The following NEB variants were observed in gnomAD, a reference collection of about 807,000 sequenced individuals.
The protein encoded by NEB is nemaline myopathy type 2.
Under a neutral mutation model 952.2 loss-of-function variants are expected in NEB, and 512 were observed. That is an observed-to-expected ratio of 0.54 (90% CI 0.50 to 0.58). NEB has a LOEUF of 0.58. Ranked by LOEUF, NEB falls within the 20% of genes least tolerant of loss-of-function variation. The pLI, the probability that NEB is intolerant of heterozygous loss-of-function variation, is 0.00. For missense variants in NEB, 8,428 were observed against 9,231.1 expected (o/e 0.91, Z 3.56); for synonymous variants, 2,900 against 3,149.8 (o/e 0.92, Z 2.66).
At position 151,630,423 on chromosome 2, in the gene NEB, T is replaced by C. The variant is rs148612471; in HGVS notation, c.9723+292A>G. Among the ~76,000 whole-genome samples, 223 of 152,316 alleles carry C rather than the reference T, an allele frequency of 1.5e-3. 1 individual carries two copies. Among genetic ancestry groups the C allele is most frequent in the African/African-American group, 5.1e-3 (212 of 41,566 alleles). Reference sequence around the variant, plus strand: ...GATGGAATTAGTGGGCATGAATATTTTGGCAGAAATAATGGGCCAGTATTT... The same window carrying C: ...GATGGAATTAGTGGGCATGAATATTCTGGCAGAAATAATGGGCCAGTATTT... On this transcript the variant is annotated intron_variant, in intron 67 of 181. Transcript: ENST00000397345.
rs746083931 is a variant in NEB at position 151,560,631 on chromosome 2, G to A, written c.19275C>T (p.Ser6425=). 1.9e-6 allele frequency: 3 copies of A among 1,612,692 alleles called. No homozygotes were observed. The highest frequency in any genetic ancestry group is 2.5e-6 in the Non-Finnish European group (3 of 1,179,470). The change falls in exon 124 of 182, where the codon TCC becomes TCT. Residue 6425 remains serine, a synonymous_variant. Transcript: ENST00000397345. ...GCTTCTGGTTCTTGGCGTGTGTCAG[G>A]GACAAGGTGCTGGAAGGCAGGATGT... ...TSYILPSSTL[S]LTHAKNQKHL...
intron 39 of NEB, 106 bp from the exon 40 acceptor site, chr2:151,668,017 AT>A: frequency 2.5e-6 from 2 of 784,974 alleles, no homozygotes; most frequent in Non-Finnish European, 4.1e-6. Context: ...ATCCCTTTCT[AT>A]TAAGACAATC....
chr2:151,617,250 A>G (rs1402813349), intron 75 of NEB, 114 bp downstream of exon 75: 10 of 630,472 alleles, frequency 1.6e-5, no homozygotes, highest in Non-Finnish European at 2.6e-5. Context: ...TCTTCTACTG[A>G]AAATGGTAGT....
In NEB at chr2:151,691,859, C is replaced by T. The variant is rs797045736; in HGVS notation, c.2211+5G>A. 1.3e-6 allele frequency: 2 copies of T among 1,579,530 alleles called. No individual in the cohort carries two copies. The highest frequency in any genetic ancestry group is 1.7e-6 in the Non-Finnish European group (2 of 1,157,854). ...AATTTCAATAATTCAGGGCAGCTAA[C>T]TTACATCTTTACACTGGTCCAGCTT... On this transcript the variant is annotated splice_donor_5th_base_variant and intron_variant, in intron 23 of 181. Transcript: ENST00000397345.
intron 10 of NEB, among the ~76,000 whole-genome samples, chr2:151,712,425 T>G (rs988958689): frequency 6.6e-6 from 1 of 152,162 alleles, no homozygotes; most frequent in Non-Finnish European, 1.5e-5. Flanking sequence ...CAAGAAGATA[T>G]TAAAACAAGA....
At position 151,631,244 on chromosome 2, in the gene NEB, C is replaced by T. The variant is rs376224722; in HGVS notation, c.9517G>A (p.Asp3173Asn). Residue 3173 changes from aspartate to asparagine, a missense_variant, in exon 66 of 182, where the codon GAT (aspartate) becomes AAT (asparagine). By Grantham distance (23) the Asp-to-Asn change is conservative (BLOSUM62 1). Transcript: ENST00000397345. ...KCKRATEILSDNIYRQPPDKL... is the reference protein window; with the variant it reads ...KCKRATEILSNNIYRQPPDKL... ...TCCGGAGGCTGGCGGTAGATGTTAT[C>T]ACTCAGTATTTCGGTAGCTCTCTTG... 2 of 1,613,834 alleles carry T rather than the reference C, an allele frequency of 1.2e-6. No individual in the cohort carries two copies. Among genetic ancestry groups the T allele is most frequent in the Admixed American group, 1.7e-5 (1 of 60,004 alleles).
At chr2:151,505,384 G>T in intron 165 of NEB, 94 bp downstream of exon 165, 1 of 1,071,306 alleles carries the variant, frequency 9.3e-7, no homozygotes, top group Non-Finnish European at 1.4e-6. Flanking sequence ...AGGCATGGAA[G>T]CTCTTGATAG....
chr2:151,524,617 C>CTTTAT lies in NEB; in HGVS notation c.22273-6_22273-2dup, dbSNP rs758609054. ...CTTTGGCATCTTTTCTGTAAGCGAC[C>CTTTAT]TTTATTGGGGAAGAAAATGTTTACT... On this transcript the variant is annotated splice_acceptor_variant, in intron 151 of 181. Transcript: ENST00000397345. LOFTEE classifies it high-confidence loss of function. 4 of 1,389,282 alleles carry CTTTAT rather than the reference C, an allele frequency of 2.9e-6. No individual in the cohort carries two copies. The highest frequency in any genetic ancestry group is 4.0e-6 in the Non-Finnish European group (4 of 1,010,108). 86.1% of individuals were successfully genotyped at this position (1,389,282 alleles called of 1,614,324 possible). A position where few individuals can be genotyped will look rare whatever the true frequency, so the allele number is the denominator to read the frequency against.
chr2:151,653,843 G>A (rs565023747), intron 52 of NEB, 149 bp downstream of exon 52: 1 of 517,462 alleles, frequency 1.9e-6, no homozygotes, highest in Non-Finnish European at 3.4e-6. Flanking sequence ...AAAGAGAAGA[G>A]TGAACTCCGG....
rs1317564549 is a variant in NEB at position 151,692,076 on chromosome 2, C to A, written c.2089G>T (p.Ala697Ser). ...DPYHTHCMKV[A>S]AQNSDKSYKA... Reference sequence around the variant, plus strand: ...AAACTTACATCACTGTTTTGAGCTGCAACTTTCATGCAGTGTGTGTGATAT... The same window carrying A: ...AAACTTACATCACTGTTTTGAGCTGAAACTTTCATGCAGTGTGTGTGATAT... The change falls in exon 22 of 182, where the codon GCA becomes TCA. Residue 697 changes from alanine (A) to serine (S), a missense_variant. Coordinates refer to ENST00000397345, the MANE Select transcript of NEB (RefSeq NM_001164508.2). 1.2e-6 allele frequency: 2 copies of A among 1,613,828 alleles called. No homozygotes were observed. Among genetic ancestry groups the A allele is most frequent in the African/African-American group, 2.7e-5 (2 of 74,950 alleles).
rs754144094 is a variant in NEB, at chr2:151,494,179, A to T, written c.24561T>A (p.Asn8187Lys). 2 of 1,607,190 alleles carry T rather than the reference A, an allele frequency of 1.2e-6. No individual in the cohort carries two copies. Among genetic ancestry groups the T allele is most frequent in the East Asian group, 2.2e-5 (1 of 44,776 alleles). ...VTPEMQRVKR[N>K]QENISSVLYK... ...ACAATACCGAGCTAATGTTTTCTTG[A>T]TTGCGTTTGACTCTCTGCATCTCAG... is the stretch of plus-strand genomic sequence containing the variant. The change falls in exon 174 of 182, where the codon AAT becomes AAA. Residue 8187 changes from asparagine to lysine, a missense_variant. Physicochemically the swap from Asn to Lys is moderately conservative, Grantham distance 94 (BLOSUM62 0). Around this residue, in one of 11 missense-constraint regions of NEB, gnomAD observed 3,374 missense variants for 3,651.5 expected, o/e 0.92. Coordinates refer to ENST00000397345, the MANE Select transcript of NEB (RefSeq NM_001164508.2).
intron 156 of NEB, among the ~76,000 whole-genome samples, chr2:151,517,482 TA>T (rs1381889777): frequency 6.6e-6 from 1 of 152,244 alleles, no homozygotes; most frequent in Non-Finnish European, 1.5e-5. Context: ...CATGTGATAG[TA>T]AGTTCTTTCC....
At chr2:151,520,039 CAAA>C (rs5835369) in intron 153 of NEB, 1,687 of 158,718 alleles carry the variant, frequency 0.011, 16 homozygotes, top group African/African-American at 0.031. Context: ...TAATGCAAAA[CAAA>C]AAAAAAAAAA....
chr2:151,691,040 A>G (rs1312243787), intron 23 of NEB, among the ~76,000 whole-genome samples: 3 of 151,944 alleles, frequency 2.0e-5, no homozygotes, highest in Non-Finnish European at 4.4e-5. Flanking sequence ...GCCTACAGCA[A>G]CTCAGCAACC....
intron 60 of NEB, among the ~76,000 whole-genome samples, chr2:151,641,202 A>G (rs373107685): frequency 3.9e-5 from 6 of 152,328 alleles, no homozygotes; most frequent in African/African-American, 1.4e-4. Flanking sequence ...ATAATTTGTT[A>G]TGATTCGTGT....
chr2:151,685,218 T>G (rs1451895358), intron 27 of NEB, among the ~76,000 whole-genome samples: 3 of 152,336 alleles, frequency 2.0e-5, no homozygotes, highest in Non-Finnish European at 4.4e-5. Flanking sequence ...GGCCACAGCT[T>G]CTGCTTCAGT....
At chr2:151,630,658 C>T in intron 67 of NEB, 57 bp downstream of exon 67, 2 of 1,417,410 alleles carry the variant, frequency 1.4e-6, no homozygotes, top group Admixed American at 2.0e-5. Context: ...AGAATCTCCA[C>T]AAAACTAAGT....
intron 52 of NEB, among the ~76,000 whole-genome samples, chr2:151,651,531 C>T (rs1429695124): frequency 1.3e-5 from 2 of 151,986 alleles, no homozygotes; most frequent in African/African-American, 4.8e-5. Context: ...GTGCAGATGG[C>T]TAAAAATAAC....
intron 76 of NEB, 28 bp from the exon 77 acceptor site, chr2:151,614,615 G>A (rs750532795): frequency 2.3e-5 from 37 of 1,578,776 alleles, no homozygotes; most frequent in Non-Finnish European, 3.0e-5. Flanking sequence ...TGAGTATAAT[G>A]ACAAGAACAT....
Sources: gnomAD v4.1 joint callset for allele counts (sites outside exome capture counted in the v4.1 genomes callset) on GRCh38, gnomAD v4.1.1 for gene constraint, gnomAD v4.1.1 regional missense constraint, MANE v1.5 for transcripts, NCBI Gene and HGNC (gene_info 2026-07-23, HGNC 2026-07-21) for gene names.